PTPN13: variants seen among roughly 807,000 people sequenced by gnomAD.
The protein encoded by PTPN13 is tyrosine-protein phosphatase non-receptor type 13.
A neutral mutation model predicts 284.0 loss-of-function variants in PTPN13; 191 were observed. The ratio of observed to expected loss-of-function variants is 0.67; its 90% CI spans 0.60 to 0.76. The LOEUF (loss-of-function observed/expected upper bound fraction) is 0.76, where lower values mean the gene tolerates loss of function less well. PTPN13 is among the 30% of genes least tolerant of loss of function. The pLI is 0.00. For missense variants in PTPN13, 2,797 were observed against 2,939.9 expected (o/e 0.95, Z 1.12); for synonymous variants, 986 against 1,022.3 (o/e 0.96, Z 0.68).
intron 2 of PTPN13, among the ~76,000 whole-genome samples, chr4:86,637,429 A>C (rs1165359732): frequency 2.0e-5 from 3 of 151,772 alleles, no homozygotes; most frequent in Non-Finnish European, 4.4e-5. Context: ...AAAAATCCTC[A>C]ATAAAATACT....
chr4:86,764,519 A>AG, intron 24 of PTPN13, 74 bp from the exon 25 acceptor site: 1 of 1,174,292 alleles, frequency 8.5e-7, no homozygotes, highest in South Asian at 2.0e-5. Context: ...TTAAAAAAAA[A>AG]GAAATTAAAA....
chr4:86,686,100 G>A (rs576428627), intron 3 of PTPN13, among the ~76,000 whole-genome samples: 15 of 152,282 alleles, frequency 9.9e-5, no homozygotes, highest in African/African-American at 3.1e-4. Context: ...AGTGGGTCAC[G>A]CCTATAATCC....
At chr4:86,641,880 T>C (rs768714896) in intron 2 of PTPN13, among the ~76,000 whole-genome samples, 2 of 152,220 alleles carry the variant, frequency 1.3e-5, no homozygotes, top group Non-Finnish European at 2.9e-5. Flanking sequence ...TCCTAGGCTA[T>C]AGCTTAAGCT....
chr4:86,756,504 C>T (rs1179185996), intron 20 of PTPN13, among the ~76,000 whole-genome samples: 5 of 151,866 alleles, frequency 3.3e-5, no homozygotes, highest in Admixed American at 6.6e-5. Flanking sequence ...TTAGAAATAC[C>T]GAATTACCAC....
intron 1 of PTPN13, among the ~76,000 whole-genome samples, chr4:86,627,217 G>A (rs1270168545): frequency 6.6e-6 from 1 of 151,924 alleles, no homozygotes; most frequent in Non-Finnish European, 1.5e-5. Flanking sequence ...GTTTTACAAG[G>A]TAAAGTTCCA....
intron 27 of PTPN13, 129 bp from the exon 28 acceptor site, chr4:86,767,688 T>C: frequency 1.4e-6 from 1 of 702,488 alleles, no homozygotes; most frequent in Non-Finnish European, 2.2e-6. Flanking sequence ...TTTCTCCCCC[T>C]TCATTTGGTG....
At chr4:86,810,378 G>A (rs1745097766) in intron 46 of PTPN13, among the ~76,000 whole-genome samples, 1 of 151,780 alleles carries the variant, frequency 6.6e-6, no homozygotes, top group African/African-American at 2.4e-5. Flanking sequence ...TTGTATTTTT[G>A]TATTATCTAT....
At chr4:86,650,601 C>A (rs184004414) in intron 2 of PTPN13, among the ~76,000 whole-genome samples, 1 of 152,284 alleles carries the variant, frequency 6.6e-6, no homozygotes, top group Admixed American at 6.5e-5. Context: ...TTGCACCCAG[C>A]CTGTTTTATA....
intron 40 of PTPN13, among the ~76,000 whole-genome samples, chr4:86,788,170 G>A (rs28421178): frequency 0.1 from 15,134 of 152,092 alleles, 870 homozygotes; most frequent in Non-Finnish European, 0.11. Context: ...CTAGGAACAC[G>A]TTTAAATCAC....
rs1030889250 is a variant in PTPN13, at chr4:86,689,173, C to G, written c.529C>G (p.Leu177Val). Reference protein sequence around the residue: ...SYVKHLVKLVLGNLSGTDQLS... With the variant: ...SYVKHLVKLVVGNLSGTDQLS... ...CGTGAAACACTTGGTAAAACTGGTT[C>G]TGGGAAATCTTTCTGGGGTAAGCTA... The change falls in exon 5 of 48, where the codon CTG becomes GTG. Residue 177 changes from leucine to valine, a missense_variant. By Grantham distance (32) the Leu-to-Val change is conservative. Transcript: ENST00000411767. 28 of 1,612,742 alleles carry G rather than the reference C, an allele frequency of 1.7e-5. No individual in the cohort carries two copies. The highest frequency in any genetic ancestry group is 2.1e-5 in the Non-Finnish European group (25 of 1,178,958).
intron 3 of PTPN13, among the ~76,000 whole-genome samples, chr4:86,684,905 T>G (rs1239467193): frequency 6.6e-6 from 1 of 152,220 alleles, no homozygotes; most frequent in Admixed American, 6.5e-5. Flanking sequence ...AACTGAGATC[T>G]TGCTTTTTGT....
chr4:86,632,737 G>T (rs984453859), intron 1 of PTPN13, among the ~76,000 whole-genome samples: 1 of 150,866 alleles, frequency 6.6e-6, no homozygotes, highest in Admixed American at 6.6e-5. Flanking sequence ...ACTTCAGGTG[G>T]AACTCTGGGT....
At chr4:86,776,358 C>A (rs1565551821) in intron 35 of PTPN13, among the ~76,000 whole-genome samples, 1 of 152,178 alleles carries the variant, frequency 6.6e-6, no homozygotes, top group Non-Finnish European at 1.5e-5. Flanking sequence ...GTTATTTCCT[C>A]CTCCCTGTTA....
intron 1 of PTPN13, among the ~76,000 whole-genome samples, chr4:86,628,771 C>T (rs1439375176): frequency 4.2e-5 from 6 of 143,860 alleles, no homozygotes; most frequent in East Asian, 4.1e-4. Context: ...TTTGTTCTTG[C>T]GATAGTTTAC....
At chr4:86,813,813 A>G (rs1253045930) in intron 47 of PTPN13, among the ~76,000 whole-genome samples, 1 of 152,152 alleles carries the variant, frequency 6.6e-6, no homozygotes, top group Non-Finnish European at 1.5e-5. Context: ...TTATGTAGGA[A>G]GGTTATTTTT....
In PTPN13 at chr4:86,758,332, A is replaced by G; in HGVS notation, c.3296A>G (p.Asp1099Gly). 1 of 1,609,676 alleles carries G rather than the reference A, an allele frequency of 6.2e-7. No homozygotes were observed. The highest frequency in any genetic ancestry group is 8.5e-7 in the Non-Finnish European group (1 of 1,177,070). ...ATCACCTTAGTGAACCTGAAAAAAG[A>G]TGCAAAGTATGGCTTGGGTAAGTCA... ...REITLVNLKK[D>G]AKYGLGFQII... The change falls in exon 21 of 48, where the codon GAT (aspartate) becomes GGT (glycine). Residue 1099 changes from aspartate to glycine, a missense_variant. Coordinates refer to ENST00000411767, the MANE Select transcript of PTPN13 (RefSeq NM_080683.3).
At chr4:86,708,326 C>A (rs960827999) in intron 7 of PTPN13, among the ~76,000 whole-genome samples, 1 of 151,724 alleles carries the variant, frequency 6.6e-6, no homozygotes, top group African/African-American at 2.4e-5. Context: ...AGCAATAAAT[C>A]GTTATTTAGT....
Position 86,748,665 on chromosome 4 carries a change from T to A in PTPN13, c.2651-1805T>A, listed in dbSNP as rs77195392. Among the ~76,000 whole-genome samples the A allele has an allele frequency of 8.0e-3, 1,140 of 143,278 alleles. 14 individuals are homozygous for A. Among genetic ancestry groups the A allele is most frequent in the African/African-American group, 0.029 (1,039 of 35,510 alleles). The allele number at this position is 143,278 out of a possible 152,430, so 94.0% of individuals were successfully genotyped here. Reference sequence around the variant, plus strand: ...TTTGAGGTAAAGATGATTATGGAAATTTTTTTTTTTAATGTAGTATCGCTC... The same window carrying A: ...TTTGAGGTAAAGATGATTATGGAAAATTTTTTTTTTAATGTAGTATCGCTC... On this transcript the variant is annotated intron_variant, in intron 17 of 47. Transcript: ENST00000411767.
chr4:86,610,273 T>C (rs1246410661), intron 1 of PTPN13, among the ~76,000 whole-genome samples: 1 of 151,900 alleles, frequency 6.6e-6, no homozygotes, highest in Non-Finnish European at 1.5e-5. Context: ...TAATCTGTAG[T>C]TTAAAAATGT....
Sources: allele counts gnomAD v4.1 joint callset (sites outside exome capture counted in the v4.1 genomes callset), GRCh38; gene constraint gnomAD v4.1.1; transcripts MANE v1.5; gene names NCBI Gene and HGNC (gene_info 2026-07-23, HGNC 2026-07-21).